The following CREB5 variants were observed in gnomAD, a reference collection of about 807,000 sequenced individuals.
CREB5 encodes cyclic AMP-responsive element-binding protein 5.
CREB5 carries 19 observed loss-of-function variants against 57.1 expected under a neutral mutation model. The observed-to-expected ratio is 0.33, with a 90% CI of 0.23 to 0.49. The LOEUF is 0.49. Among genes scored for constraint, CREB5 ranks in the 20% least tolerant of loss-of-function variants. The pLI, the probability that CREB5 is intolerant of heterozygous loss-of-function variation, is 0.99. For synonymous variants in CREB5, 238 were observed against 238.3 expected (o/e 1.00, Z 0.01); for missense variants, 579 against 671.6 (o/e 0.86, Z 1.52).
Position 28,819,322 on chromosome 7 carries a change from C to A in CREB5, c.*43C>A. 6.4e-7 allele frequency: 1 copy of A among 1,566,696 alleles called. No homozygotes were observed. On this transcript the variant is annotated 3_prime_UTR_variant, in exon 11 of 11. Transcript: ENST00000357727. ...GGCCTCCAAGAAGAGCTGTAGCGTA[C>A]CATGCGTCCTTTCTTTTAAGGGCAT... is the stretch of plus-strand genomic sequence containing the variant.
intron 5 of CREB5, among the ~76,000 whole-genome samples, chr7:28,679,473 T>A (rs915949934): frequency 2.0e-5 from 3 of 152,106 alleles, no homozygotes; most frequent in South Asian, 2.1e-4. Flanking sequence ...CTGATGAGAT[T>A]TCAGGGTGTA....
chr7:28,366,932 A>G (rs550292749), intron 1 of CREB5, among the ~76,000 whole-genome samples: 15 of 152,314 alleles, frequency 9.8e-5, no homozygotes, highest in Middle Eastern at 3.4e-3. Context: ...GATGGAGAAC[A>G]TCTTTATTTT....
chr7:28,643,941 T>G (rs1798789562), intron 5 of CREB5, among the ~76,000 whole-genome samples: 1 of 151,904 alleles, frequency 6.6e-6, no homozygotes, highest in South Asian at 2.1e-4. Flanking sequence ...CTGCTGGGCA[T>G]GGTGGTGTGT....
chr7:28,492,650 A>G (rs1453927198), intron 2 of CREB5, among the ~76,000 whole-genome samples: 1 of 151,408 alleles, frequency 6.6e-6, no homozygotes, highest in Non-Finnish European at 1.5e-5. Flanking sequence ...TTATTTTATA[A>G]AGTCAAAAAA....
chr7:28,390,965 T>C (rs1787205190), intron 1 of CREB5, among the ~76,000 whole-genome samples: 1 of 151,886 alleles, frequency 6.6e-6, no homozygotes, highest in Non-Finnish European at 1.5e-5. Flanking sequence ...ATAATATATG[T>C]ATAGCACTTT....
intron 5 of CREB5, among the ~76,000 whole-genome samples, chr7:28,694,257 A>G (rs1801422328): frequency 6.6e-6 from 1 of 152,194 alleles, no homozygotes. Context: ...TAATAAACCC[A>G]TTTAGTGTAA....
intron 5 of CREB5, among the ~76,000 whole-genome samples, chr7:28,606,433 A>G (rs1385654713): frequency 6.6e-6 from 1 of 152,216 alleles, no homozygotes; most frequent in African/African-American, 2.4e-5. Flanking sequence ...ACACCTTCAT[A>G]TGAGCCTCCT....
chr7:28,465,078 C>G (rs527332838), intron 1 of CREB5, among the ~76,000 whole-genome samples: 42 of 152,214 alleles, frequency 2.8e-4, no homozygotes, highest in Admixed American at 1.1e-3. Context: ...GAGGGTGCCT[C>G]TTTATATAGA....
chr7:28,410,762 T>C (rs549798369), upstream of CREB5: 149 of 356,528 alleles, frequency 4.2e-4, 1 homozygote, highest in Non-Finnish European at 6.7e-4. Context: ...TACGTCATTC[T>C]GCAGGCCAGT....
At chr7:28,776,056 G>A (rs996875058) in intron 7 of CREB5, among the ~76,000 whole-genome samples, 4 of 151,630 alleles carry the variant, frequency 2.6e-5, no homozygotes, top group Admixed American at 1.3e-4. Flanking sequence ...TTAAGCGTGC[G>A]GCTGGGCGCA....
At chr7:28,802,078 GA>G (rs35658848) in intron 7 of CREB5, among the ~76,000 whole-genome samples, 468 of 26,574 alleles carry the variant, frequency 0.018, 2 homozygotes, top group African/African-American at 0.037. Flanking sequence ...GACTCCATCT[GA>G]AAAAAAAAAA....
chr7:28,597,901 G>A (rs1796750200), intron 5 of CREB5, among the ~76,000 whole-genome samples: 1 of 152,174 alleles, frequency 6.6e-6, no homozygotes, highest in African/African-American at 2.4e-5. Context: ...CACTACATTT[G>A]AATTCTGAGA....
chr7:28,320,946 G>T (rs1332535154), intron 1 of CREB5, among the ~76,000 whole-genome samples: 2 of 152,208 alleles, frequency 1.3e-5, no homozygotes, highest in African/African-American at 4.8e-5. Context: ...GAGAGCAGAG[G>T]AGAACACGGA....
chr7:28,523,381 G>A (rs1041185234), intron 4 of CREB5, among the ~76,000 whole-genome samples: 12 of 152,158 alleles, frequency 7.9e-5, no homozygotes, highest in South Asian at 4.1e-4. Context: ...ATCGAAAAAC[G>A]TTTATTGAGG....
intron 1 of CREB5, among the ~76,000 whole-genome samples, chr7:28,357,913 G>A (rs1331098744): frequency 1.3e-5 from 2 of 152,130 alleles, no homozygotes; most frequent in Non-Finnish European, 1.5e-5. Flanking sequence ...TGTTATGGGT[G>A]GTGTAAGGTG....
Position 28,494,937 on chromosome 7 carries a change from A to G in CREB5, c.107A>G (p.His36Arg), listed in dbSNP as rs569232806. 14 of 1,608,566 alleles carry G rather than the reference A, an allele frequency of 8.7e-6. No homozygotes were observed. The highest frequency in any genetic ancestry group is 1.1e-5 in the South Asian group (1 of 89,618). Residue 36 changes from histidine to arginine, a missense_variant, in exon 3 of 11, where the codon CAT (histidine) becomes CGT (arginine). This residue lies in a region of CREB5 where 459 missense variants were observed against 515.7 expected (regional missense o/e 0.89). Coordinates refer to ENST00000357727, the MANE Select transcript of CREB5 (RefSeq NM_182898.4). The stretch of plus-strand genomic sequence containing the variant: ...CCAACAGAGGACCATCTGATGATTC[A>G]TAGGCACAAACATGAAATGACTTTG... ...RFPTEDHLMI[H>R]RHKHEMTLKF...
At chr7:28,318,611 C>G (rs138303469) in intron 1 of CREB5, among the ~76,000 whole-genome samples, 2 of 152,164 alleles carry the variant, frequency 1.3e-5, no homozygotes, top group Non-Finnish European at 2.9e-5. Flanking sequence ...TTGCCTGAGA[C>G]AGGAGTTGGA....
chr7:28,557,888 A>C (rs1583623787), intron 4 of CREB5, among the ~76,000 whole-genome samples: 1 of 152,298 alleles, frequency 6.6e-6, no homozygotes, highest in East Asian at 1.9e-4. Flanking sequence ...TTTCTGGAGC[A>C]CCTTACGGGA....
chr7:28,809,275 A>T lies in CREB5; in HGVS notation c.1115A>T (p.Glu372Val), dbSNP rs1639459908. Residue 372 changes from glutamate to valine, a missense_variant, in exon 9 of 11, where the codon GAG (glutamate) becomes GTG (valine). Glu to Val is a moderately radical substitution (Grantham distance 121). Around this residue, in one of 3 missense-constraint regions of CREB5, gnomAD observed 459 missense variants for 515.7 expected, o/e 0.89. Transcript: ENST00000357727. Reference sequence around the variant, plus strand: ...GGGCGCCGGCGAAGGGTGGTAGACGAGGATCCGGACGAGAGGCGGCGGAAA... The same window carrying T: ...GGGCGCCGGCGAAGGGTGGTAGACGTGGATCCGGACGAGAGGCGGCGGAAA... ...TGGRRRRVVD[E>V]DPDERRRKFL... 1 of 1,614,084 alleles carries T rather than the reference A, an allele frequency of 6.2e-7. No homozygotes were observed. Among genetic ancestry groups the T allele is most frequent in the Admixed American group, 1.7e-5 (1 of 60,004 alleles).
Sources: allele counts gnomAD v4.1 joint callset (sites outside exome capture counted in the v4.1 genomes callset), GRCh38; gene constraint gnomAD v4.1.1; regional missense constraint gnomAD v4.1.1; transcripts MANE v1.5; gene names NCBI Gene and HGNC (gene_info 2026-07-23, HGNC 2026-07-21).